The following SNAP25 variants were observed in gnomAD, a reference collection of about 807,000 sequenced individuals.
SNAP25 encodes the protein synaptosome associated protein 25, also known as synaptosomal-associated protein 25.
In SNAP25, 3 loss-of-function variants were observed where a neutral mutation model predicts 28.7. That is an observed-to-expected ratio of 0.10 (90% confidence interval 0.05 to 0.27). SNAP25 has a LOEUF of 0.27. Among genes scored for constraint, SNAP25 ranks in the 10% least tolerant of loss-of-function variants. SNAP25 has a pLI of 1.00. For missense variants in SNAP25, 117 were observed against 278.7 expected (o/e 0.42, Z 4.13); for synonymous variants, 61 against 88.1 (o/e 0.69, Z 1.72).
At chr20:10,301,949 G>T (rs1413678969) in intron 7 of SNAP25, among the ~76,000 whole-genome samples, 2 of 147,706 alleles carry the variant, frequency 1.4e-5, no homozygotes, top group Admixed American at 6.8e-5. Context: ...ACCATATATA[G>T]ATATACCTTC....
At chr20:10,304,454 A>G (rs1366542093) in intron 7 of SNAP25, among the ~76,000 whole-genome samples, 1 of 152,232 alleles carries the variant, frequency 6.6e-6, no homozygotes, top group African/African-American at 2.4e-5. Context: ...AAAGTCCATT[A>G]ACATCTATGT....
intron 1 of SNAP25, among the ~76,000 whole-genome samples, chr20:10,265,029 A>C (rs1309818710): frequency 1.3e-5 from 2 of 150,630 alleles, no homozygotes; most frequent in Non-Finnish European, 2.9e-5. Flanking sequence ...ACTGTGACTC[A>C]TCTGTTATCC....
At chr20:10,262,108 G>C (rs1383620554) in intron 1 of SNAP25, among the ~76,000 whole-genome samples, 1 of 152,166 alleles carries the variant, frequency 6.6e-6, no homozygotes, top group Non-Finnish European at 1.5e-5. Flanking sequence ...GAAAAAAGTA[G>C]AGTTTTAGTT....
chr20:10,278,092 G>C, intron 3 of SNAP25: 1 of 166,250 alleles, frequency 6.0e-6, no homozygotes, highest in Non-Finnish European at 1.3e-5. Flanking sequence ...TTATTTTTGT[G>C]CCTATAAATT....
intron 2 of SNAP25, among the ~76,000 whole-genome samples, chr20:10,276,171 T>C (rs2063688021): frequency 6.6e-6 from 1 of 152,126 alleles, no homozygotes; most frequent in Non-Finnish European, 1.5e-5. Flanking sequence ...CAGGCAGAGC[T>C]GGGTACAGCG....
chr20:10,297,150 A>G, intron 6 of SNAP25, 100 bp downstream of exon 6: 1 of 1,353,546 alleles, frequency 7.4e-7, no homozygotes, highest in Non-Finnish European at 9.7e-7. Context: ...TTTATTGCTC[A>G]TTAATCTACA....
intron 1 of SNAP25, among the ~76,000 whole-genome samples, chr20:10,244,931 G>A (rs780936164): frequency 5.9e-5 from 9 of 151,856 alleles, no homozygotes; most frequent in Non-Finnish European, 8.8e-5. Flanking sequence ...GGGTTTCACC[G>A]TCTTGGTCAG....
intron 7 of SNAP25, among the ~76,000 whole-genome samples, chr20:10,301,040 C>T (rs573731626): frequency 4.6e-5 from 7 of 152,122 alleles, no homozygotes; most frequent in Non-Finnish European, 8.8e-5. Flanking sequence ...CTTGCAGATG[C>T]AGCTAGATAA....
intron 1 of SNAP25, among the ~76,000 whole-genome samples, chr20:10,257,511 G>A (rs141596086): frequency 2.7e-3 from 405 of 152,222 alleles, no homozygotes; most frequent in African/African-American, 8.7e-3. Flanking sequence ...TTGGGAGTTC[G>A]ATACCAGCCC....
intron 1 of SNAP25, among the ~76,000 whole-genome samples, chr20:10,256,241 C>T (rs2063317000): frequency 6.6e-6 from 1 of 152,176 alleles, no homozygotes; most frequent in Non-Finnish European, 1.5e-5. Flanking sequence ...TCATGTGCAT[C>T]TTTCAAGTCT....
At chr20:10,264,018 C>A (rs1024625016) in intron 1 of SNAP25, among the ~76,000 whole-genome samples, 11 of 151,968 alleles carry the variant, frequency 7.2e-5, no homozygotes, top group African/African-American at 2.7e-4. Flanking sequence ...ACCCATTTAG[C>A]CACATTTGCA....
At chr20:10,236,959 CATAAATAA>C (rs3063167) in intron 1 of SNAP25, among the ~76,000 whole-genome samples, 61 of 146,604 alleles carry the variant, frequency 4.2e-4, no homozygotes, top group East Asian at 1.6e-3. Flanking sequence ...AAGGAAAATA[CATAAATAA>C]ATAAATAAAT....
At chr20:10,247,972 G>T (rs1374593798) in intron 1 of SNAP25, among the ~76,000 whole-genome samples, 1 of 152,194 alleles carries the variant, frequency 6.6e-6, no homozygotes, top group African/African-American at 2.4e-5. Flanking sequence ...GGTTTAGAGT[G>T]CCTTAGCTAA....
chr20:10,293,720 G>A lies in SNAP25; in HGVS notation c.281+442G>A, dbSNP rs2064047544. ...AAAGAGACAGGTAATTTGGCCCAGG[G>A]AAGGATTCTATAAATTAGAGAATAT... is the stretch of plus-strand genomic sequence containing the variant. On this transcript the variant is annotated intron_variant, in intron 5 of 7. Transcript: ENST00000254976. This position sits in a 1 kb window ranked among gnomAD's most constrained non-coding sequence, Gnocchi z 5.6. 6.6e-6 allele frequency among the ~76,000 whole-genome samples: 1 copy of A among 152,156 alleles called. No individual in the cohort carries two copies. Among genetic ancestry groups the A allele is most frequent in the African/African-American group, 2.4e-5 (1 of 41,442 alleles).
At chr20:10,261,659 T>C (rs982408221) in intron 1 of SNAP25, among the ~76,000 whole-genome samples, 2 of 152,200 alleles carry the variant, frequency 1.3e-5, no homozygotes, top group African/African-American at 2.4e-5. Flanking sequence ...ATTTTATAGA[T>C]ATTATTACTT....
At chr20:10,281,001 T>C (rs1477668703) in intron 3 of SNAP25, among the ~76,000 whole-genome samples, 1 of 152,148 alleles carries the variant, frequency 6.6e-6, no homozygotes, top group Non-Finnish European at 1.5e-5. Flanking sequence ...GTTTTAGACT[T>C]TGGGAAAAGC....
intron 1 of SNAP25, among the ~76,000 whole-genome samples, chr20:10,259,037 C>T (rs979425772): frequency 2.0e-5 from 3 of 152,094 alleles, no homozygotes; most frequent in African/African-American, 7.2e-5. Flanking sequence ...TAGGCTTGTT[C>T]AGAGTGGGAT....
chr20:10,224,899 A>G (rs2062707845), intron 1 of SNAP25, among the ~76,000 whole-genome samples: 1 of 151,708 alleles, frequency 6.6e-6, no homozygotes, highest in Non-Finnish European at 1.5e-5. Context: ...TGACTTAGCA[A>G]TGTATTAGCT....
rs201241337 is a variant in SNAP25 at position 10,306,233 on chromosome 20, G to A, written c.*36G>A. ...CCGTGTTCTCCTCCAAATGCTGTCGGGCAAGATAGCTCCTTCATGCTTTTC... is the reference window on the plus strand; with the variant it reads ...CCGTGTTCTCCTCCAAATGCTGTCGAGCAAGATAGCTCCTTCATGCTTTTC... On this transcript the variant is annotated 3_prime_UTR_variant, in exon 8 of 8. Transcript: ENST00000254976. 8.2e-6 allele frequency: 13 copies of A among 1,593,684 alleles called. No individual in the cohort carries two copies. Among genetic ancestry groups the A allele is most frequent in the Admixed American group, 6.7e-5 (4 of 59,724 alleles).
Sources: allele counts gnomAD v4.1 joint callset (sites outside exome capture counted in the v4.1 genomes callset), GRCh38; gene constraint gnomAD v4.1.1; non-coding constraint Gnocchi (gnomAD v3.1); transcripts MANE v1.5; gene names NCBI Gene and HGNC (gene_info 2026-07-23, HGNC 2026-07-21).